TMEM74: variants seen among roughly 807,000 people sequenced by gnomAD.
TMEM74 encodes transmembrane protein 74.
In TMEM74, 13 loss-of-function variants were observed where a neutral mutation model predicts 18.1. The observed-to-expected ratio is 0.72, with a 90% confidence interval of 0.47 to 1.14. The LOEUF (loss-of-function observed/expected upper bound fraction) is 1.14. TMEM74 is among the 50% of genes most tolerant of loss of function. The pLI is 0.00. For missense variants in TMEM74, 372 were observed against 375.9 expected, an observed-to-expected ratio of 0.99 and a Z score of 0.09; for synonymous variants, 159 against 146.6, an observed-to-expected ratio of 1.08 and a Z score of -0.61.
chr8:108,682,636 C>T (rs1368647493), intron 1 of TMEM74, among the ~76,000 whole-genome samples: 3 of 151,910 alleles, frequency 2.0e-5, no homozygotes, highest in African/African-American at 7.2e-5. Context: ...TAGAGTTAGA[C>T]TAAAAGATTT....
intron 2 of TMEM74, among the ~76,000 whole-genome samples, chr8:108,655,004 T>C (rs1046892725): frequency 2.6e-5 from 4 of 152,168 alleles, no homozygotes; most frequent in Non-Finnish European, 5.9e-5. Context: ...TTTCAGTATG[T>C]TTATTAGATT....
chr8:108,767,156 G>T (rs533882383), intron 1 of TMEM74, among the ~76,000 whole-genome samples: 1 of 152,252 alleles, frequency 6.6e-6, no homozygotes, highest in African/African-American at 2.4e-5. Flanking sequence ...AACCATCACA[G>T]TCTGAAACCT....
At chr8:108,702,345 A>AG (rs1422306868) in intron 1 of TMEM74, among the ~76,000 whole-genome samples, 1 of 142,224 alleles carries the variant, frequency 7.0e-6, no homozygotes, top group Non-Finnish European at 1.6e-5. Context: ...ACTCCATCTA[A>AG]AAAAAAAAAA....
chr8:108,709,573 A>G (rs967895605), intron 1 of TMEM74, among the ~76,000 whole-genome samples: 2 of 152,180 alleles, frequency 1.3e-5, no homozygotes, highest in Admixed American at 6.5e-5. Flanking sequence ...AGTTTCATTT[A>G]TGCTAGGTGA....
Position 108,784,220 on chromosome 8 carries a change from C to T in TMEM74, c.879G>A (p.Leu293=), listed in dbSNP as rs1390845976. ...CAAGCGCATCTTCCTCTACCAAGGA[C>T]AGTTCCAGAGTGTTTTCATTCGTGC... ...KTSTNENTLE[L]SLVEEDALAV... Residue 293 remains leucine (L), a synonymous_variant, in exon 2 of 2, where the codon CTG becomes CTA. Transcript: ENST00000297459. 1 of 1,613,844 alleles carries T rather than the reference C, an allele frequency of 6.2e-7. No homozygotes were observed. The highest frequency in any genetic ancestry group is 2.2e-5 in the East Asian group (1 of 44,872).
intron 2 of TMEM74, among the ~76,000 whole-genome samples, chr8:108,628,361 T>C (rs761995320): frequency 3.9e-5 from 6 of 152,086 alleles, no homozygotes; most frequent in Non-Finnish European, 5.9e-5. Context: ...AACTCAGTTC[T>C]CTGCAGACAC....
chr8:108,775,141 T>C (rs1010967407), downstream of TMEM74, among the ~76,000 whole-genome samples: 3 of 152,192 alleles, frequency 2.0e-5, no homozygotes, highest in African/African-American at 7.2e-5. Context: ...AATCATTGGT[T>C]CATCAGAATG....
intron 1 of TMEM74, among the ~76,000 whole-genome samples, chr8:108,759,384 T>G (rs1356750304): frequency 6.6e-6 from 1 of 152,152 alleles, no homozygotes; most frequent in African/African-American, 2.4e-5. Flanking sequence ...TCATCAATTA[T>G]ATTTCTAGTA....
chr8:108,621,932 T>A (rs1378481766), intron 2 of TMEM74, among the ~76,000 whole-genome samples: 1 of 152,162 alleles, frequency 6.6e-6, no homozygotes, highest in African/African-American at 2.4e-5. Context: ...CTGGTCATGA[T>A]GGAGATGCAT....
intron 1 of TMEM74, among the ~76,000 whole-genome samples, chr8:108,740,496 T>C (rs928455063): frequency 2.6e-5 from 4 of 152,338 alleles, no homozygotes; most frequent in East Asian, 1.9e-4. Flanking sequence ...CCTCGTTTCA[T>C]TGCACTTTGC....
intron 2 of TMEM74, among the ~76,000 whole-genome samples, chr8:108,632,381 ATAAT>A (rs2130553765): frequency 6.6e-6 from 1 of 152,122 alleles, no homozygotes; most frequent in South Asian, 2.1e-4. Flanking sequence ...AATAACAAAA[ATAAT>A]TAATAATTTG....
intron 1 of TMEM74, among the ~76,000 whole-genome samples, chr8:108,736,811 G>GAGT: frequency 6.6e-6 from 1 of 152,116 alleles, no homozygotes; most frequent in East Asian, 1.9e-4. Flanking sequence ...TGGGCTGTAT[G>GAGT]AGTAGAATCT....
chr8:108,666,187 T>A (rs1332785208), intron 1 of TMEM74, among the ~76,000 whole-genome samples: 1 of 152,280 alleles, frequency 6.6e-6, no homozygotes, highest in Admixed American at 6.5e-5. Context: ...CCTGGTGATA[T>A]AGTCTTCCAA....
At chr8:108,686,094 G>C (rs184583240) in intron 1 of TMEM74, among the ~76,000 whole-genome samples, 1 of 152,036 alleles carries the variant, frequency 6.6e-6, no homozygotes, top group East Asian at 1.9e-4. Context: ...AAAGTTATGA[G>C]TTTCTTTTAA....
chr8:108,613,583 C>T (rs1812355870), intron 2 of TMEM74, among the ~76,000 whole-genome samples: 1 of 152,148 alleles, frequency 6.6e-6, no homozygotes, highest in Non-Finnish European at 1.5e-5. Flanking sequence ...TTTTACTGTT[C>T]TTTGGTAAAA....
rs1814341619 is a variant in TMEM74, at chr8:108,783,980, C to T, written c.*201G>A. ...CAGCTCTTCAGAAGGATAGGTGTGG[C>T]TGGTTGTGGTTTCTTATACATCTTA... On this transcript the variant is annotated 3_prime_UTR_variant, in exon 2 of 2. Transcript: ENST00000297459. 1 of 443,452 alleles carries T rather than the reference C, an allele frequency of 2.3e-6. No individual in the cohort carries two copies. Among genetic ancestry groups the T allele is most frequent in the Non-Finnish European group, 3.9e-6 (1 of 253,212 alleles). 27.5% of individuals were successfully genotyped at this position (443,452 alleles called of 1,614,324 possible). A position where few individuals can be genotyped will look rare whatever the true frequency, so the allele number is the denominator to read the frequency against.
chr8:108,700,951 A>C (rs1345768923), intron 1 of TMEM74, among the ~76,000 whole-genome samples: 2 of 152,144 alleles, frequency 1.3e-5, no homozygotes, highest in East Asian at 3.9e-4. Context: ...TTTGGAGAAA[A>C]AGGAAATAGA....
At chr8:108,736,023 G>A (rs576867873) in intron 1 of TMEM74, among the ~76,000 whole-genome samples, 1 of 151,262 alleles carries the variant, frequency 6.6e-6, no homozygotes, top group South Asian at 2.1e-4. Flanking sequence ...TGAAGTCCTA[G>A]CTTTGGATTA....
At chr8:108,665,759 T>C (rs1812943555) in intron 1 of TMEM74, among the ~76,000 whole-genome samples, 4 of 152,098 alleles carry the variant, frequency 2.6e-5, no homozygotes, top group South Asian at 2.1e-4. Context: ...CTTTATTGAA[T>C]AGATAACAGT....
Sources: allele counts gnomAD v4.1 joint callset (sites outside exome capture counted in the v4.1 genomes callset), GRCh38; gene constraint gnomAD v4.1.1; transcripts MANE v1.5; gene names NCBI Gene and HGNC (gene_info 2026-07-23, HGNC 2026-07-21).